MMP17: variants seen among roughly 807,000 people sequenced by gnomAD.
MMP17 encodes matrix metallopeptidase 17.
Under a neutral mutation model 49.1 loss-of-function variants are expected in MMP17, and 54 were observed. The ratio of observed to expected loss-of-function variants is 1.10; its 90% CI spans 0.88 to 1.38. The LOEUF is 1.38. Ranked by LOEUF, MMP17 falls within the 40% of genes most tolerant of loss-of-function variation. The pLI, the probability that MMP17 is intolerant of heterozygous loss-of-function variation, is 0.00. For missense variants in MMP17, 837 were observed against 853.7 expected (o/e 0.98, Z 0.24); for synonymous variants, 397 against 383.1 (o/e 1.04, Z -0.42).
chr12:131,844,992 C>A, intron 6 of MMP17, 126 bp from the exon 7 acceptor site: 1 of 946,474 alleles, frequency 1.1e-6, no homozygotes, highest in Admixed American at 2.2e-5. Context: ...GACCTCTAGG[C>A]AAGGATAGGG....
chr12:131,831,481 C>T (rs1048921703), intron 1 of MMP17, among the ~76,000 whole-genome samples: 7 of 152,022 alleles, frequency 4.6e-5, no homozygotes, highest in African/African-American at 1.7e-4. Context: ...AGGACCTTGT[C>T]ATCGCCCTGG....
chr12:131,840,294 C>G (rs886620149), intron 3 of MMP17: 1 of 423,814 alleles, frequency 2.4e-6, no homozygotes, highest in Non-Finnish European at 4.3e-6. Flanking sequence ...CGTTGAGGGC[C>G]CTGGGGCTGA....
At position 131,846,456 on chromosome 12, in the gene MMP17, A is replaced by G. The variant is rs1414280242; in HGVS notation, c.1204+1007A>G. On this transcript the variant is annotated intron_variant, in intron 8 of 9. Coordinates refer to ENST00000360564, the MANE Select transcript of MMP17 (RefSeq NM_016155.7). This position sits in a 1 kb window ranked among gnomAD's most constrained non-coding sequence, Gnocchi z 4.6. ...CAATGGTGTGATCTCAGCTCACTGC[A>G]ACCTTCACCTCCCAGGTTGCAATTC... Among the ~76,000 whole-genome samples, 2 of 152,046 alleles carry G rather than the reference A, an allele frequency of 1.3e-5. No homozygotes were observed. The highest frequency in any genetic ancestry group is 2.9e-5 in the Non-Finnish European group (2 of 67,996).
intron 1 of MMP17, among the ~76,000 whole-genome samples, chr12:131,836,318 G>A (rs1323119169): frequency 6.6e-6 from 1 of 152,174 alleles, no homozygotes; most frequent in Non-Finnish European, 1.5e-5. Flanking sequence ...GATGCCCCTG[G>A]GACTTCCAGG....
intron 1 of MMP17, among the ~76,000 whole-genome samples, chr12:131,835,670 G>T (rs1336624830): frequency 6.6e-6 from 1 of 152,328 alleles, no homozygotes; most frequent in East Asian, 1.9e-4. Flanking sequence ...AGCTGGCCTG[G>T]GTGGGAAAGG....
rs1887717979 is a variant in MMP17, at chr12:131,846,688, C to T, written c.1204+1239C>T. 6.6e-6 allele frequency among the ~76,000 whole-genome samples: 1 copy of T among 152,114 alleles called. No homozygotes were observed. The highest frequency in any genetic ancestry group is 1.9e-4 in the East Asian group (1 of 5,192). ...CTGCACCCGGCCTGCCTAATCCCAT[C>T]TTAACTCATCTTAACTAACACATCT... On this transcript the variant is annotated intron_variant, in intron 8 of 9. Coordinates refer to ENST00000360564, the MANE Select transcript of MMP17 (RefSeq NM_016155.7). This position sits in a 1 kb window ranked among gnomAD's most constrained non-coding sequence, Gnocchi z 4.6.
Position 131,840,857 on chromosome 12 carries a change from G to C in MMP17, c.706+1G>C. The C allele has an allele frequency of 1.3e-6, 2 of 1,591,684 alleles. No individual in the cohort carries two copies. ...GAGGCCTGGACCTTCCGCTCCTCGG[G>C]TGCGTCTGGGGCAGCCCTCAGGGCA... On this transcript the variant is annotated splice_donor_variant, in intron 4 of 9. Coordinates refer to ENST00000360564, the MANE Select transcript of MMP17 (RefSeq NM_016155.7). LOFTEE classifies it high-confidence loss of function.
At chr12:131,836,081 C>T (rs1188678181) in intron 1 of MMP17, among the ~76,000 whole-genome samples, 2 of 152,226 alleles carry the variant, frequency 1.3e-5, no homozygotes, top group African/African-American at 4.8e-5. Context: ...TCCACTTTGA[C>T]GTCCTGTCGT....
Position 131,840,571 on chromosome 12 carries a change from A to T in MMP17, c.423-2A>T. 1 of 1,575,748 alleles carries T rather than the reference A, an allele frequency of 6.3e-7. No individual in the cohort carries two copies. Among genetic ancestry groups the T allele is most frequent in the Non-Finnish European group, 8.6e-7 (1 of 1,158,966 alleles). On this transcript the variant is annotated splice_acceptor_variant, in intron 3 of 9. Transcript: ENST00000360564. LOFTEE classifies it high-confidence loss of function. ...TCACTCTGGGCTGACCCCTGCCTGC[A>T]GGGTCCGGACGTTCCCACGGGACTC...
chr12:131,830,945 A>G (rs1478989430), intron 1 of MMP17, among the ~76,000 whole-genome samples: 1 of 152,134 alleles, frequency 6.6e-6, no homozygotes, highest in Non-Finnish European at 1.5e-5. Context: ...TGAGTACGAC[A>G]TACAGCGAGC....
intron 8 of MMP17, among the ~76,000 whole-genome samples, chr12:131,847,136 C>T (rs978901534): frequency 6.7e-6 from 1 of 148,952 alleles, no homozygotes; most frequent in Non-Finnish European, 1.5e-5. Flanking sequence ...CAAAATGTCA[C>T]GCGCAGTGGC....
At chr12:131,840,302 T>C (rs950724846) in intron 3 of MMP17, 13 of 436,662 alleles carry the variant, frequency 3.0e-5, no homozygotes, top group Non-Finnish European at 4.6e-5. Flanking sequence ...GCCCTGGGGC[T>C]GATGGCTCCA....
At chr12:131,839,537 A>G (rs999474384) in intron 3 of MMP17, among the ~76,000 whole-genome samples, 10 of 151,968 alleles carry the variant, frequency 6.6e-5, no homozygotes, top group Admixed American at 2.0e-4. Context: ...GCGGTGTTGC[A>G]ATCTTGGCTC....
chr12:131,844,926 G>A lies in MMP17; in HGVS notation c.969-192G>A, dbSNP rs557850114. The A allele has an allele frequency of 6.0e-4, 358 of 601,276 alleles. 4 individuals are homozygous for A. The Middle Eastern group carries it at 6.8e-3, about 11-fold the overall frequency. The allele number at this position is 601,276 out of a possible 1,614,324, so 37.2% of individuals were successfully genotyped here. A position where few individuals can be genotyped will look rare whatever the true frequency, so the allele number is the denominator to read the frequency against. ...TCTGTATGCTCAGAGCGTAGATCTC[G>A]GCCCCCGCCCGCTGAAGCGGTGGAC... On this transcript the variant is annotated intron_variant, in intron 6 of 9. Transcript: ENST00000360564.
In MMP17 at chr12:131,851,136, C is replaced by A; in HGVS notation, c.1674C>A (p.Tyr558Ter). ...QHDQSRSEDG[Y>*]EVCSCTSGAS... Reference sequence around the variant, plus strand: ...ACCAGAGCCGCTCGGAGGACGGTTACGAGGTCTGCTCATGCACCTCTGGGG... The same window carrying A: ...ACCAGAGCCGCTCGGAGGACGGTTAAGAGGTCTGCTCATGCACCTCTGGGG... The change falls in exon 10 of 10, where the codon TAC becomes TAA. Residue 558 changes from tyrosine (Y) to a stop codon, truncating the protein, a stop_gained. Coordinates refer to ENST00000360564, the MANE Select transcript of MMP17 (RefSeq NM_016155.7). LOFTEE classifies it low-confidence loss of function (END_TRUNC). The A allele has an allele frequency of 6.3e-7, 1 of 1,576,384 alleles. No individual in the cohort carries two copies. Among genetic ancestry groups the A allele is most frequent in the Non-Finnish European group, 8.6e-7 (1 of 1,161,586 alleles).
In MMP17 at chr12:131,841,768, A is replaced by G. The variant is rs1198035549; in HGVS notation, c.851A>G (p.Tyr284Cys). ...GACCCGCTGCGCTACGGGCTCCCCT[A>G]CGAGGACAAGGTGCGCGTCTGGCAG... ...VGDPLRYGLP[Y>C]EDKVRVWQLY... The change falls in exon 5 of 10, where the codon TAC becomes TGC. Residue 284 changes from tyrosine to cysteine, a missense_variant. Coordinates refer to ENST00000360564, the MANE Select transcript of MMP17 (RefSeq NM_016155.7). 5 of 1,610,420 alleles carry G rather than the reference A, an allele frequency of 3.1e-6. No homozygotes were observed. In the African/African-American group the frequency reaches 4.0e-5, roughly 13 times the overall value.
At chr12:131,833,283 AG>A (rs1280364053) in intron 1 of MMP17, among the ~76,000 whole-genome samples, 1 of 152,244 alleles carries the variant, frequency 6.6e-6, no homozygotes, top group Non-Finnish European at 1.5e-5. Context: ...GTTGGCTGTT[AG>A]GATCGAATAG....
rs1392173445 is a variant in MMP17 at position 131,851,490 on chromosome 12, C to G, written c.*216C>G. 4.8e-6 allele frequency: 2 copies of G among 418,914 alleles called. No homozygotes were observed. Among genetic ancestry groups the G allele is most frequent in the African/African-American group, 2.0e-5 (1 of 49,068 alleles). The allele number at this position is 418,914 out of a possible 1,614,324, so 25.9% of individuals were successfully genotyped here. A position where few individuals can be genotyped will look rare whatever the true frequency, so the allele number is the denominator to read the frequency against. ...CCTAGTGAGGGACTGTGTTGACTGA[C>G]GAGCCGAGGGGTGGCCGCTCCAGAA... On this transcript the variant is annotated 3_prime_UTR_variant, in exon 10 of 10. Transcript: ENST00000360564.
rs1288019784 is a variant in MMP17, at chr12:131,834,755, C to T, written c.160-3440C>T. Among the ~76,000 whole-genome samples the T allele has an allele frequency of 8.5e-5, 13 of 152,236 alleles. No individual in the cohort carries two copies. In the South Asian group the frequency reaches 2.7e-3, roughly 32 times the overall value. ...GTTAACCCCTACTCCCCTTAGCTAA[C>T]AAGCCCACCTTGCCACCACCACCAC... is the stretch of plus-strand genomic sequence containing the variant. On this transcript the variant is annotated intron_variant, in intron 1 of 9. Transcript: ENST00000360564.
Sources: allele counts gnomAD v4.1 joint callset (sites outside exome capture counted in the v4.1 genomes callset), GRCh38; gene constraint gnomAD v4.1.1; non-coding constraint Gnocchi (gnomAD v3.1); transcripts MANE v1.5; gene names NCBI Gene and HGNC (gene_info 2026-07-23, HGNC 2026-07-21).